The following MAPK10 variants were observed in gnomAD, a reference collection of about 807,000 sequenced individuals.
MAPK10 encodes the protein mitogen-activated protein kinase 10.
MAPK10 carries 25 observed loss-of-function variants against 59.3 expected under a neutral mutation model. That is an observed-to-expected ratio of 0.42 (90% CI 0.31 to 0.59). The LOEUF is 0.59. Ranked by LOEUF, MAPK10 falls within the 20% of genes least tolerant of loss-of-function variation. MAPK10 has a pLI of 0.15. For missense variants in MAPK10, 351 were observed against 568.9 expected, an observed-to-expected ratio of 0.62 and a Z score of 3.90; for synonymous variants, 190 against 200.5, an observed-to-expected ratio of 0.95 and a Z score of 0.44.
At chr4:86,187,852 G>T (rs1388732750) in intron 3 of MAPK10, among the ~76,000 whole-genome samples, 2 of 152,050 alleles carry the variant, frequency 1.3e-5, no homozygotes, top group African/African-American at 4.8e-5. Context: ...ATGTGCCATG[G>T]TGGTTTGCTG....
At chr4:86,115,669 C>G (rs2058198267) in intron 4 of MAPK10, among the ~76,000 whole-genome samples, 1 of 152,134 alleles carries the variant, frequency 6.6e-6, no homozygotes, top group Non-Finnish European at 1.5e-5. Flanking sequence ...CCATGTTGGT[C>G]AGGCTGGTCT....
intron 4 of MAPK10, among the ~76,000 whole-genome samples, chr4:86,115,846 A>ACTGTCT (rs1482108449): frequency 6.6e-6 from 1 of 152,200 alleles, no homozygotes; most frequent in Non-Finnish European, 1.5e-5. Context: ...AATTTAAAAT[A>ACTGTCT]CTGTCTCTTA....
intron 4 of MAPK10, among the ~76,000 whole-genome samples, chr4:86,151,311 G>C (rs4334746): frequency 0.57 from 86,234 of 151,970 alleles, 26,590 homozygotes; most frequent in South Asian, 0.74. Context: ...GGAATTGGGA[G>C]CTTTCATGAA....
chr4:86,446,321 G>C (rs754829457), intron 1 of MAPK10, among the ~76,000 whole-genome samples: 1 of 152,062 alleles, frequency 6.6e-6, no homozygotes. Flanking sequence ...GGTATCAGTT[G>C]CCAAGCATTA....
At chr4:86,052,493 G>A (rs916262189) in intron 11 of MAPK10, among the ~76,000 whole-genome samples, 3 of 152,206 alleles carry the variant, frequency 2.0e-5, no homozygotes, top group African/African-American at 7.2e-5. Context: ...ATTTTGGGAT[G>A]TTTTTCAAAA....
At chr4:86,470,212 A>C (rs543240745) in intron 1 of MAPK10, among the ~76,000 whole-genome samples, 1 of 152,258 alleles carries the variant, frequency 6.6e-6, no homozygotes, top group Admixed American at 6.5e-5. Flanking sequence ...AATTATATTT[A>C]ATAAGGCATC....
intron 9 of MAPK10, chr4:86,091,191 A>G (rs1410400665): frequency 6.6e-6 from 1 of 151,746 alleles, no homozygotes; most frequent in Admixed American, 6.6e-5. Flanking sequence ...TGTATTAAAT[A>G]ATATATTAAA....
At chr4:86,248,559 T>C (rs1425315152) in intron 2 of MAPK10, among the ~76,000 whole-genome samples, 1 of 152,236 alleles carries the variant, frequency 6.6e-6, no homozygotes, top group African/African-American at 2.4e-5. Context: ...AAATCTCAAA[T>C]GGCTACAGCC....
chr4:86,483,194 A>G (rs1367625679), intron 1 of MAPK10, among the ~76,000 whole-genome samples: 2 of 152,072 alleles, frequency 1.3e-5, no homozygotes, highest in Non-Finnish European at 1.5e-5. Context: ...AGGATTTCCA[A>G]CTTTCTTTGT....
intron 1 of MAPK10, among the ~76,000 whole-genome samples, chr4:86,399,487 G>C (rs1283553009): frequency 1.3e-5 from 2 of 152,036 alleles, no homozygotes; most frequent in African/African-American, 2.4e-5. Context: ...TATAGATTCT[G>C]GATATTAGAA....
At chr4:86,489,136 A>G (rs1754262956) in intron 1 of MAPK10, among the ~76,000 whole-genome samples, 1 of 152,112 alleles carries the variant, frequency 6.6e-6, no homozygotes, top group African/African-American at 2.4e-5. Flanking sequence ...TGACCCAATA[A>G]CTTATCCAGA....
upstream of MAPK10, among the ~76,000 whole-genome samples, chr4:86,455,921 C>A (rs1751187205): frequency 6.6e-6 from 1 of 152,116 alleles, no homozygotes; most frequent in Admixed American, 6.5e-5. Context: ...AAATGAGCCT[C>A]AATAAATTCA....
intron 2 of MAPK10, among the ~76,000 whole-genome samples, chr4:86,319,249 G>T (rs1017232413): frequency 6.6e-6 from 1 of 152,084 alleles, no homozygotes; most frequent in Admixed American, 6.6e-5. Context: ...AATTAACTGA[G>T]AAGGGTAAAG....
intron 4 of MAPK10, among the ~76,000 whole-genome samples, chr4:86,133,322 A>AC (rs2061347329): frequency 6.6e-6 from 1 of 152,194 alleles, no homozygotes; most frequent in South Asian, 2.1e-4. Flanking sequence ...ATCTTTTTAG[A>AC]TTTTATGATT....
At chr4:86,237,093 T>TGGTTTTCTGTTCCTGTGTCA (rs1423361732) in intron 2 of MAPK10, among the ~76,000 whole-genome samples, 1 of 152,108 alleles carries the variant, frequency 6.6e-6, no homozygotes, top group Non-Finnish European at 1.5e-5. Flanking sequence ...ACGTGGTGTT[T>TGGTTTTCTGTTCCTGTGTCA]GGTTTTCTGT....
intron 2 of MAPK10, among the ~76,000 whole-genome samples, chr4:86,314,112 A>G (rs1302306031): frequency 1.3e-5 from 2 of 152,176 alleles, no homozygotes; most frequent in African/African-American, 4.8e-5. Flanking sequence ...TGCCATTTAT[A>G]TCAAGTTCAG....
intron 2 of MAPK10, among the ~76,000 whole-genome samples, chr4:86,243,262 T>A (rs2092865360): frequency 6.6e-6 from 1 of 152,212 alleles, no homozygotes; most frequent in Admixed American, 6.5e-5. Flanking sequence ...AGTTTCTATT[T>A]TGGATACATC....
intron 2 of MAPK10, among the ~76,000 whole-genome samples, chr4:86,271,318 T>G (rs1468610977): frequency 2.0e-5 from 3 of 152,120 alleles, no homozygotes; most frequent in African/African-American, 7.2e-5. Flanking sequence ...TATATCTTCC[T>G]TTGTTAAGTA....
intron 12 of MAPK10, among the ~76,000 whole-genome samples, chr4:86,029,503 T>G (rs1350991327): frequency 6.6e-6 from 1 of 152,216 alleles, no homozygotes; most frequent in East Asian, 1.9e-4. Context: ...GCATGAAAAT[T>G]TATTTCTACG....
Sources: gnomAD v4.1 joint callset for allele counts (sites outside exome capture counted in the v4.1 genomes callset) on GRCh38, gnomAD v4.1.1 for gene constraint, MANE v1.5 for transcripts, NCBI Gene and HGNC (gene_info 2026-07-23, HGNC 2026-07-21) for gene names.